COL24A1: variants seen among roughly 807,000 people sequenced by gnomAD.
The protein encoded by COL24A1 is collagen type XXIV alpha 1 chain, also known as collagen alpha-1(XXIV) chain.
COL24A1 carries 224 observed loss-of-function variants against 253.9 expected under a neutral mutation model. That is an observed-to-expected ratio of 0.88 (90% CI 0.79 to 0.99). The LOEUF (loss-of-function observed/expected upper bound fraction) is 0.99. COL24A1 is among the 50% of genes least tolerant of loss of function. The pLI, the probability that COL24A1 is intolerant of heterozygous loss-of-function variation, is 0.00. For missense variants in COL24A1, 2,131 were observed against 2,068.5 expected (o/e 1.03, Z -0.59); for synonymous variants, 685 against 673.7 (o/e 1.02, Z -0.26).
chr1:85,771,953 C>T (rs1668017432), intron 53 of COL24A1, among the ~76,000 whole-genome samples: 1 of 144,020 alleles, frequency 6.9e-6, no homozygotes, highest in Non-Finnish European at 1.5e-5. Context: ...TCCCCCGTAC[C>T]CCCACCCCAC....
chr1:85,809,798 A>C (rs962215740), intron 47 of COL24A1, among the ~76,000 whole-genome samples: 27 of 147,872 alleles, frequency 1.8e-4, no homozygotes, highest in Non-Finnish European at 3.4e-4. Context: ...TATTATATAT[A>C]GTATATAATA....
intron 37 of COL24A1, among the ~76,000 whole-genome samples, chr1:85,853,725 A>G (rs1558397052): frequency 6.6e-6 from 1 of 152,140 alleles, no homozygotes; most frequent in Non-Finnish European, 1.5e-5. Flanking sequence ...GATTAGCAAC[A>G]TTGAGCATTT....
chr1:85,901,842 A>AAAAAAAG (rs1684339433), intron 28 of COL24A1, among the ~76,000 whole-genome samples: 2 of 144,528 alleles, frequency 1.4e-5, no homozygotes, highest in Non-Finnish European at 3.1e-5. Flanking sequence ...AAAAAAAAAA[A>AAAAAAAG]AAAAAAAGAA....
intron 39 of COL24A1, among the ~76,000 whole-genome samples, chr1:85,846,398 A>T (rs183164802): frequency 2.6e-5 from 4 of 152,084 alleles, no homozygotes; most frequent in Non-Finnish European, 4.4e-5. Context: ...GTTTGACTAT[A>T]TAAAAATTAA....
chr1:86,003,599 G>A (rs1291314447), intron 19 of COL24A1, among the ~76,000 whole-genome samples: 1 of 152,104 alleles, frequency 6.6e-6, no homozygotes, highest in Non-Finnish European at 1.5e-5. Context: ...AGCAAAAAAG[G>A]TACACTTATG....
intron 43 of COL24A1, among the ~76,000 whole-genome samples, chr1:85,834,607 C>A (rs752226702): frequency 1.3e-5 from 2 of 152,134 alleles, no homozygotes; most frequent in Non-Finnish European, 2.9e-5. Flanking sequence ...TTGCCAGCCC[C>A]CCTCCGCCCA....
rs1370812589 is a variant in COL24A1, at chr1:85,783,478, G to C, written c.4284+18C>G. 1 of 1,610,068 alleles carries C rather than the reference G, an allele frequency of 6.2e-7. No homozygotes were observed. The highest frequency in any genetic ancestry group is 2.2e-5 in the East Asian group (1 of 44,808). On this transcript the variant is annotated intron_variant, in intron 51 of 59. Transcript: ENST00000370571. ...AAAGAACCACAATTTCTGGTAGGCA[G>C]AATGACTTTACACTTACTCTGTGTC...
chr1:85,907,762 TAA>T (rs970841407), intron 27 of COL24A1, among the ~76,000 whole-genome samples: 7 of 151,870 alleles, frequency 4.6e-5, no homozygotes, highest in African/African-American at 1.7e-4. Flanking sequence ...TATTTATTAT[TAA>T]GTCAATTATA....
At chr1:85,970,361 T>G in intron 21 of COL24A1, 90 bp from the exon 22 acceptor site, 1 of 1,222,036 alleles carries the variant, frequency 8.2e-7, no homozygotes, top group Non-Finnish European at 1.2e-6. Context: ...TTCTAAAATG[T>G]GAAGCTCATT....
intron 7 of COL24A1, among the ~76,000 whole-genome samples, chr1:86,066,042 A>C (rs1356434787): frequency 1.3e-5 from 2 of 152,142 alleles, no homozygotes; most frequent in African/African-American, 2.4e-5. Context: ...GTAGATAAGC[A>C]CTGGTAGAAA....
At chr1:85,796,102 A>G (rs1188853586) in intron 47 of COL24A1, among the ~76,000 whole-genome samples, 2 of 152,188 alleles carry the variant, frequency 1.3e-5, no homozygotes, top group East Asian at 3.8e-4. Context: ...TGAATGAGCT[A>G]TATACTAAAG....
chr1:85,927,856 C>A (rs1346303947), intron 24 of COL24A1, among the ~76,000 whole-genome samples: 2 of 134,456 alleles, frequency 1.5e-5, no homozygotes, highest in African/African-American at 5.6e-5. Context: ...TTCCAACAGA[C>A]CTGCAGCTGA....
chr1:85,985,704 G>A (rs1693667693), intron 20 of COL24A1, among the ~76,000 whole-genome samples: 2 of 151,784 alleles, frequency 1.3e-5, no homozygotes, highest in Non-Finnish European at 3.0e-5. Context: ...TATCAAAGGA[G>A]AGATTGGGAT....
chr1:85,881,452 A>T (rs2102659288), intron 32 of COL24A1, among the ~76,000 whole-genome samples: 1 of 145,530 alleles, frequency 6.9e-6, no homozygotes, highest in African/African-American at 2.6e-5. Flanking sequence ...CCCCATTTCT[A>T]CTAAAAATAC....
At chr1:85,838,943 T>C (rs753229771) in intron 42 of COL24A1, among the ~76,000 whole-genome samples, 7 of 152,214 alleles carry the variant, frequency 4.6e-5, no homozygotes, top group Admixed American at 6.5e-5. Context: ...CTCACACCTG[T>C]AGTCCCAGCA....
At chr1:86,128,931 C>T (rs1276951304) in intron 2 of COL24A1, among the ~76,000 whole-genome samples, 1 of 151,806 alleles carries the variant, frequency 6.6e-6, no homozygotes, top group African/African-American at 2.4e-5. Flanking sequence ...CAGTGTTTTT[C>T]TCTTATTGTC....
At chr1:86,110,866 G>A (rs78332341) in intron 5 of COL24A1, among the ~76,000 whole-genome samples, 21,796 of 151,186 alleles carry the variant, frequency 0.14, 1,723 homozygotes, top group South Asian at 0.23. Flanking sequence ...AGCCTCCCCA[G>A]TGGGGGCTCC....
At chr1:86,115,561 T>C (rs944984536) in intron 3 of COL24A1, among the ~76,000 whole-genome samples, 183 bp from the exon 4 acceptor site, 3 of 152,178 alleles carry the variant, frequency 2.0e-5, no homozygotes, top group Non-Finnish European at 4.4e-5. Flanking sequence ...AACTCAAGTG[T>C]CCCCTTTAAT....
chr1:85,861,962 G>C (rs1023536197), intron 37 of COL24A1, among the ~76,000 whole-genome samples: 4 of 152,014 alleles, frequency 2.6e-5, no homozygotes, highest in Non-Finnish European at 4.4e-5. Context: ...TATCTTGAAG[G>C]ATCTTCCCAC....
Sources: gnomAD v4.1 joint callset for allele counts (sites outside exome capture counted in the v4.1 genomes callset) on GRCh38, gnomAD v4.1.1 for gene constraint, MANE v1.5 for transcripts, NCBI Gene and HGNC (gene_info 2026-07-23, HGNC 2026-07-21) for gene names.